The following SLC38A6 variants were observed in gnomAD, a reference collection of about 807,000 sequenced individuals.
SLC38A6 encodes the protein solute carrier family 38 member 6, also known as N system amino acid transporter NAT-1.
In SLC38A6, 73 loss-of-function variants were observed where a neutral mutation model predicts 65.0. The observed-to-expected ratio is 1.12, with a 90% CI of 0.93 to 1.37. The LOEUF (loss-of-function observed/expected upper bound fraction) is 1.37. Among genes scored for constraint, SLC38A6 ranks in the 40% most tolerant of loss-of-function variants. The pLI is 0.00. For missense variants in SLC38A6, 561 were observed against 531.1 expected (o/e 1.06, Z -0.55); for synonymous variants, 183 against 178.8 (o/e 1.02, Z -0.19).
At chr14:61,070,005 A>T (rs1338320028) in intron 15 of SLC38A6, among the ~76,000 whole-genome samples, 2 of 152,176 alleles carry the variant, frequency 1.3e-5, no homozygotes, top group Non-Finnish European at 2.9e-5. Context: ...TGCCCCTTTG[A>T]CTTCTCTTTA....
At chr14:60,982,730 CA>C in intron 2 of SLC38A6, 92 bp downstream of exon 2, 6 of 1,361,288 alleles carry the variant, frequency 4.4e-6, no homozygotes, top group Non-Finnish European at 6.0e-6. Flanking sequence ...TGCTATTATA[CA>C]ATTTCTAGTT....
Position 61,025,728 on chromosome 14 carries a change from G to A in SLC38A6, c.404-4717G>A, listed in dbSNP as rs149632090. Reference sequence around the variant, plus strand: ...ATACATTTTTTTCTAGGGTCATGGGGGAGCATTTTCCCCCATATATTTTGA... The same window carrying A: ...ATACATTTTTTTCTAGGGTCATGGGAGAGCATTTTCCCCCATATATTTTGA... On this transcript the variant is annotated intron_variant, in intron 5 of 15. Coordinates refer to ENST00000267488, the MANE Select transcript of SLC38A6 (RefSeq NM_153811.3). 1.8e-3 allele frequency among the ~76,000 whole-genome samples: 270 copies of A among 152,052 alleles called. 1 individual carries two copies. The East Asian group carries it at 0.019, about 10-fold the overall frequency.
chr14:61,066,192 T>C (rs2043012964), intron 15 of SLC38A6, among the ~76,000 whole-genome samples: 1 of 152,240 alleles, frequency 6.6e-6, no homozygotes, highest in Non-Finnish European at 1.5e-5. Flanking sequence ...TCTGATAATC[T>C]TCCTGTATTT....
At chr14:60,982,365 A>G in intron 1 of SLC38A6, 143 bp from the exon 2 acceptor site, 1 of 985,272 alleles carries the variant, frequency 1.0e-6, no homozygotes, top group Middle Eastern at 2.1e-4. Context: ...AAAGGAAATT[A>G]GTGTTGGTTA....
chr14:61,006,562 A>C (rs2039136629), intron 3 of SLC38A6, among the ~76,000 whole-genome samples: 2 of 152,242 alleles, frequency 1.3e-5, no homozygotes, highest in Admixed American at 1.3e-4. Flanking sequence ...CAGCCAAAAA[A>C]CACATGAAAA....
chr14:61,063,699 GA>G (rs1265567293), intron 15 of SLC38A6, among the ~76,000 whole-genome samples: 2 of 43,646 alleles, frequency 4.6e-5, no homozygotes, highest in Non-Finnish European at 1.6e-4. Flanking sequence ...TCTCTTTTGA[GA>G]AGATCAAGAT....
intron 2 of SLC38A6, 69 bp downstream of exon 2, chr14:60,982,707 A>ACT (rs771301842): frequency 1.5e-5 from 22 of 1,468,744 alleles, no homozygotes; most frequent in Non-Finnish European, 1.9e-5. Flanking sequence ...GTAGAGAGAT[A>ACT]GATTCCAGAA....
At chr14:60,986,220 A>G (rs1472324566) in intron 3 of SLC38A6, among the ~76,000 whole-genome samples, 1 of 152,252 alleles carries the variant, frequency 6.6e-6, no homozygotes, top group African/African-American at 2.4e-5. Flanking sequence ...TTGTTTTCCT[A>G]AAACCTGTCC....
intron 3 of SLC38A6, chr14:61,004,634 CAGGA>C (rs1344166442): frequency 6.6e-6 from 1 of 152,136 alleles, no homozygotes; most frequent in Non-Finnish European, 1.5e-5. Context: ...AACACTAAAC[CAGGA>C]AGAAGTTGAA....
intron 8 of SLC38A6, among the ~76,000 whole-genome samples, chr14:61,041,284 A>G (rs1430008452): frequency 6.6e-6 from 1 of 152,038 alleles, no homozygotes; most frequent in Non-Finnish European, 1.5e-5. Flanking sequence ...GCTTTGTGGG[A>G]CATCATCTCT....
chr14:61,053,254 T>G (rs1479983979), downstream of SLC38A6, among the ~76,000 whole-genome samples: 1 of 152,198 alleles, frequency 6.6e-6, no homozygotes, highest in Non-Finnish European at 1.5e-5. Flanking sequence ...TATACCATAT[T>G]TTCTTTATCC....
In SLC38A6 at chr14:61,037,622, C is replaced by T. The variant is rs375938309; in HGVS notation, c.566-3C>T. 5 of 1,584,346 alleles carry T rather than the reference C, an allele frequency of 3.2e-6. No homozygotes were observed. In the African/African-American group the frequency reaches 4.1e-5, roughly 13 times the overall value. On this transcript the variant is annotated splice_region_variant and splice_polypyrimidine_tract_variant and intron_variant, in intron 7 of 15. Transcript: ENST00000267488. Reference sequence around the variant, plus strand: ...TGCTTTTTATTTTACTGTTATTTTACAGGCTTTCTTGGCTACACAAGTAGT... The same window carrying T: ...TGCTTTTTATTTTACTGTTATTTTATAGGCTTTCTTGGCTACACAAGTAGT...
rs112003440 is a variant in SLC38A6 at position 61,066,976 on chromosome 14, A to G, written c.1291-11834A>G. 3.4e-3 allele frequency among the ~76,000 whole-genome samples: 522 copies of G among 152,292 alleles called. 6 individuals are homozygous for G. Among genetic ancestry groups the G allele is most frequent in the African/African-American group, 0.012 (498 of 41,544 alleles). On this transcript the variant is annotated intron_variant, in intron 15 of 16. Transcript: ENST00000354886. ...TAGTCCCAAGGTCATGAAACTATGT[A>G]AGACATACATACATCTTGCTTGAAA...
intron 15 of SLC38A6, among the ~76,000 whole-genome samples, chr14:61,074,529 T>G (rs1447164999): frequency 1.3e-5 from 2 of 152,186 alleles, no homozygotes; most frequent in South Asian, 2.1e-4. Flanking sequence ...AATCCCATTA[T>G]GAGGGTCTCA....
chr14:61,039,659 C>T (rs534616190), intron 8 of SLC38A6, among the ~76,000 whole-genome samples: 6 of 151,942 alleles, frequency 3.9e-5, no homozygotes, highest in Admixed American at 3.9e-4. Flanking sequence ...GCGTGAGCCA[C>T]CGTGCCCAGC....
At chr14:61,083,533 A>C (rs1299504956) in intron 16 of SLC38A6, 1 of 1,547,276 alleles carries the variant, frequency 6.5e-7, no homozygotes, top group Non-Finnish European at 8.7e-7. Flanking sequence ...ATTCAATGTG[A>C]CTGGTGTTCT....
intron 1 of SLC38A6, chr14:60,981,781 G>C: frequency 8.3e-7 from 1 of 1,209,998 alleles, no homozygotes. Flanking sequence ...TTAGTCATGG[G>C]GGGAGGGAAA....
exon 17 of SLC38A6, chr14:61,083,602 A>T: frequency 6.4e-7 from 1 of 1,550,566 alleles, no homozygotes; most frequent in African/African-American, 1.4e-5. Context: ...CCACGCAAGG[A>T]CACAGCAAGA....
chr14:61,041,778 T>C (rs1436221141), intron 8 of SLC38A6, among the ~76,000 whole-genome samples: 1 of 152,074 alleles, frequency 6.6e-6, no homozygotes, highest in Non-Finnish European at 1.5e-5. Flanking sequence ...CACACACCTG[T>C]AGTCCCAGGC....
Sources: allele counts gnomAD v4.1 joint callset (sites outside exome capture counted in the v4.1 genomes callset), GRCh38; gene constraint gnomAD v4.1.1; transcripts MANE v1.5; gene names NCBI Gene and HGNC (gene_info 2026-07-23, HGNC 2026-07-21).